PHF3: variants seen among roughly 807,000 people sequenced by gnomAD.
The protein encoded by PHF3 is PHD finger protein 3.
A neutral mutation model predicts 178.4 loss-of-function variants in PHF3; 41 were observed. The ratio of observed to expected loss-of-function variants is 0.23; its 90% CI spans 0.18 to 0.30. The LOEUF (loss-of-function observed/expected upper bound fraction) is 0.30, where lower values mean the gene tolerates loss of function less well. Among genes scored for constraint, PHF3 ranks in the 10% least tolerant of loss-of-function variants. The pLI is 1.00. For missense variants in PHF3, 2,346 were observed against 2,398.1 expected (o/e 0.98, Z 0.45); for synonymous variants, 842 against 800.5 (o/e 1.05, Z -0.88).
chr6:63,705,891 G>A (rs1767668299), intron 11 of PHF3, 138 bp from the exon 12 acceptor site: 2 of 635,842 alleles, frequency 3.1e-6, no homozygotes, highest in African/African-American at 3.7e-5. Context: ...AATGATGACA[G>A]TTAGATATAA....
At position 63,713,455 on chromosome 6, in the gene PHF3, A is replaced by G. The variant is rs1193622569; in HGVS notation, c.5867A>G (p.Asp1956Gly). 1 of 1,613,910 alleles carries G rather than the reference A, an allele frequency of 6.2e-7. No individual in the cohort carries two copies. The highest frequency in any genetic ancestry group is 8.5e-7 in the Non-Finnish European group (1 of 1,179,940). The change falls in exon 16 of 16, where the codon GAC becomes GGC. Residue 1956 changes from aspartate (D) to glycine (G), a missense_variant. Around this residue, in one of 8 missense-constraint regions of PHF3, gnomAD observed 839 missense variants for 806.9 expected, o/e 1.04. Transcript: ENST00000262043. ...HRRRDRSQDK[D>G]RDRKSREEGH... ...CGCAGAGACAGAAGCCAAGACAAGG[A>G]CAGAGACAGAAAAAGCAGGGAGGAA...
At chr6:63,639,674 C>T (rs1764491392) in intron 1 of PHF3, among the ~76,000 whole-genome samples, 1 of 152,100 alleles carries the variant, frequency 6.6e-6, no homozygotes, top group Non-Finnish European at 1.5e-5. Flanking sequence ...ATGTAATTAT[C>T]TAGGTCTCAG....
chr6:63,687,574 G>C (rs991252954), intron 4 of PHF3, among the ~76,000 whole-genome samples: 2 of 152,202 alleles, frequency 1.3e-5, no homozygotes, highest in East Asian at 3.9e-4. Context: ...TGTGGACAGA[G>C]AGATGGAATA....
intron 2 of PHF3, among the ~76,000 whole-genome samples, chr6:63,668,503 A>AT (rs1213597240): frequency 6.6e-6 from 1 of 151,320 alleles, no homozygotes; most frequent in Non-Finnish European, 1.5e-5. Flanking sequence ...CTGCTAATTT[A>AT]TTTTTTATTT....
At chr6:63,704,456 G>C (rs891339235) in intron 11 of PHF3, among the ~76,000 whole-genome samples, 2 of 150,370 alleles carry the variant, frequency 1.3e-5, no homozygotes, top group Admixed American at 6.7e-5. Context: ...CATTGTCTCT[G>C]TAGTTTTGCT....
At position 63,713,255 on chromosome 6, in the gene PHF3, C is replaced by T; in HGVS notation, c.5667C>T (p.Asp1889=). 1 of 1,614,008 alleles carries T rather than the reference C, an allele frequency of 6.2e-7. No homozygotes were observed. Among genetic ancestry groups the T allele is most frequent in the Non-Finnish European group, 8.5e-7 (1 of 1,179,976 alleles). ...CGCAGAATTTTTACCAGGTTAAAGA[C>T]ATTCGGAGGCCAGAAAGGCGCCATA... ...IGPQNFYQVK[D]IRRPERRHSD... The change falls in exon 16 of 16, where the codon GAC becomes GAT. Residue 1889 remains aspartate (D), a synonymous_variant. Coordinates refer to ENST00000262043, the MANE Select transcript of PHF3 (RefSeq NM_001370348.2).
rs929468947 is a variant in PHF3, at chr6:63,723,037, G to C, written c.*9329G>C. On this transcript the variant is annotated 3_prime_UTR_variant, in exon 16 of 16. Transcript: ENST00000262043. Reference sequence around the variant, plus strand: ...ACAGTTGATTCCCAGCACCCAAAACGGTATCTGGCCCATAAATAGATGCTA... The same window carrying C: ...ACAGTTGATTCCCAGCACCCAAAACCGTATCTGGCCCATAAATAGATGCTA... Among the ~76,000 whole-genome samples the C allele has an allele frequency of 2.0e-5, 3 of 152,098 alleles. No homozygotes were observed.
At chr6:63,675,914 T>C (rs1182215981) in intron 2 of PHF3, among the ~76,000 whole-genome samples, 1 of 152,222 alleles carries the variant, frequency 6.6e-6, no homozygotes, top group African/African-American at 2.4e-5. Context: ...TCTGATTCTC[T>C]GCTTTGTGTG....
intron 2 of PHF3, among the ~76,000 whole-genome samples, chr6:63,650,593 A>G (rs533212506): frequency 6.6e-6 from 1 of 152,226 alleles, no homozygotes; most frequent in Non-Finnish European, 1.5e-5. Flanking sequence ...CTAGTTTTAC[A>G]ATTAGTAAAA....
chr6:63,697,708 A>T (rs1194910918), intron 6 of PHF3, among the ~76,000 whole-genome samples: 1 of 152,146 alleles, frequency 6.6e-6, no homozygotes, highest in Non-Finnish European at 1.5e-5. Flanking sequence ...ATACATGAAG[A>T]TGGTAAAAAT....
At chr6:63,652,450 G>A (rs898132220) in intron 2 of PHF3, among the ~76,000 whole-genome samples, 1 of 152,036 alleles carries the variant, frequency 6.6e-6, no homozygotes, top group Non-Finnish European at 1.5e-5. Flanking sequence ...TCCCTTGTTG[G>A]ATGGCTCAGT....
At chr6:63,684,038 A>AT in intron 3 of PHF3, 91 bp from the exon 4 acceptor site, 1 of 1,015,570 alleles carries the variant, frequency 9.8e-7, no homozygotes, top group Non-Finnish European at 1.5e-6. Context: ...ATAGCTCAGA[A>AT]TAAAGAAGTG....
In PHF3 at chr6:63,654,889, CT is replaced by C. The variant is rs34787470; in HGVS notation, c.244+8114del. 2.9e-3 allele frequency among the ~76,000 whole-genome samples: 277 copies of C among 94,744 alleles called. 1 individual carries two copies. The highest frequency in any genetic ancestry group is 7.9e-3 in the African/African-American group (182 of 22,940). 62.2% of individuals were successfully genotyped at this position (94,744 alleles called of 152,430 possible). A position where few individuals can be genotyped will look rare whatever the true frequency, so the allele number is the denominator to read the frequency against. On this transcript the variant is annotated intron_variant, in intron 2 of 15. Transcript: ENST00000262043. Reference sequence around the variant, plus strand: ...CAGATAGTTATTTGTATTAGGTGACCTTTTTTTTTTTTTTTTTTTTCGAGAT... The same window carrying C: ...CAGATAGTTATTTGTATTAGGTGACCTTTTTTTTTTTTTTTTTTTCGAGAT...
In PHF3 at chr6:63,649,109, T is replaced by TATTC. The variant is rs1554147582; in HGVS notation, c.244+2318_244+2321dup. On this transcript the variant is annotated intron_variant, in intron 2 of 15. Transcript: ENST00000262043. The stretch of plus-strand genomic sequence containing the variant: ...TTATTTATTTATTTATTTATTTATT[T>TATTC]ATTCATTTATTTTGGTAGAGACAGG... Among the ~76,000 whole-genome samples, 6 of 151,554 alleles carry TATTC rather than the reference T, an allele frequency of 4.0e-5. No individual in the cohort carries two copies. The South Asian group carries it at 6.3e-4, about 16-fold the overall frequency.
chr6:63,682,577 T>C (rs1293012221), intron 3 of PHF3, among the ~76,000 whole-genome samples: 1 of 152,154 alleles, frequency 6.6e-6, no homozygotes, highest in Non-Finnish European at 1.5e-5. Context: ...CTTTTCTTGA[T>C]CTATGTTTTT....
chr6:63,690,106 A>G lies in PHF3; in HGVS notation c.2190-1631A>G, dbSNP rs182589840. Reference sequence around the variant, plus strand: ...ACACCTGCATTTCAAGCTTTATTCCACTTTTGCTAGAATATCTGTATCATT... The same window carrying G: ...ACACCTGCATTTCAAGCTTTATTCCGCTTTTGCTAGAATATCTGTATCATT... On this transcript the variant is annotated intron_variant, in intron 4 of 15. Transcript: ENST00000262043. 1.1e-3 allele frequency among the ~76,000 whole-genome samples: 167 copies of G among 152,216 alleles called. 1 individual carries two copies. Among genetic ancestry groups the G allele is most frequent in the Admixed American group, 7.8e-3 (120 of 15,300 alleles).
chr6:63,694,654 G>T lies in PHF3; in HGVS notation c.2570G>T (p.Arg857Leu). 6.3e-7 allele frequency: 1 copy of T among 1,595,782 alleles called. No homozygotes were observed. The highest frequency in any genetic ancestry group is 1.3e-5 in the African/African-American group (1 of 74,204). The change falls in exon 6 of 16, where the codon CGT becomes CTT. Residue 857 changes from arginine (R) to leucine (L), a missense_variant. By Grantham distance (102) the Arg-to-Leu change is moderately radical. Transcript: ENST00000262043. The part of the protein sequence containing the change: ...EIKKWQLAPL[R>L]KMGQPVLPRR... ...AAAAAATGGCAGCTAGCTCCTCTTC[G>T]TAAGATGGGACAACCAGTTTTACCT...
chr6:63,659,835 CATTTT>C (rs756961944), intron 2 of PHF3, among the ~76,000 whole-genome samples: 5 of 152,126 alleles, frequency 3.3e-5, no homozygotes, highest in Non-Finnish European at 5.9e-5. Flanking sequence ...CTATTAATCT[CATTTT>C]ATAGCCCAGT....
In PHF3 at chr6:63,718,652, A is replaced by AT. The variant is rs1414738759; in HGVS notation, c.*4947dup. Among the ~76,000 whole-genome samples, 3 of 151,880 alleles carry AT rather than the reference A, an allele frequency of 2.0e-5. No individual in the cohort carries two copies. The highest frequency in any genetic ancestry group is 2.0e-4 in the Admixed American group (3 of 15,196). Reference sequence around the variant, plus strand: ...ATGAAGAAAATCTGGCTATATGTGCATTTGTTTTTGGGAAAGGGAGGACTC... The same window carrying AT: ...ATGAAGAAAATCTGGCTATATGTGCATTTTGTTTTTGGGAAAGGGAGGACTC... On this transcript the variant is annotated 3_prime_UTR_variant, in exon 16 of 16. Coordinates refer to ENST00000262043, the MANE Select transcript of PHF3 (RefSeq NM_001370348.2).
Sources: gnomAD v4.1 joint callset for allele counts (sites outside exome capture counted in the v4.1 genomes callset) on GRCh38, gnomAD v4.1.1 for gene constraint, gnomAD v4.1.1 regional missense constraint, MANE v1.5 for transcripts, NCBI Gene and HGNC (gene_info 2026-07-23, HGNC 2026-07-21) for gene names.